Variants in CROT observed in about 807,000 individuals in gnomAD.
CROT encodes carnitine O-octanoyltransferase.
CROT carries 84 observed loss-of-function variants against 89.2 expected under a neutral mutation model. The observed-to-expected ratio is 0.94, with a 90% CI of 0.79 to 1.13. The LOEUF (loss-of-function observed/expected upper bound fraction) is 1.13, where lower values mean the gene tolerates loss of function less well. Ranked by LOEUF, CROT falls within the 50% of genes most tolerant of loss-of-function variation. The pLI is 0.00. For synonymous variants in CROT, 212 were observed against 239.5 expected (o/e 0.89, Z 1.06); for missense variants, 711 against 727.8 (o/e 0.98, Z 0.27).
chr7:87,388,819 T>C (rs1333340914), intron 13 of CROT, among the ~76,000 whole-genome samples: 1 of 152,080 alleles, frequency 6.6e-6, no homozygotes, highest in East Asian at 1.9e-4. Context: ...CAAATGAAAC[T>C]ATCATCAGAG....
At position 87,391,140 on chromosome 7, in the gene CROT, C is replaced by T. The variant is rs113619900; in HGVS notation, c.1302-449C>T. Among the ~76,000 whole-genome samples the T allele has an allele frequency of 5.9e-5, 9 of 152,316 alleles. 1 individual carries two copies. The highest frequency in any genetic ancestry group is 1.9e-4 in the African/African-American group (8 of 41,568). The stretch of plus-strand genomic sequence containing the variant: ...TTTTCTGCCGCTAGGGCCTCTCCAT[C>T]GGGCAGCCCTCAGCATGGCAGCTGG... On this transcript the variant is annotated intron_variant, in intron 13 of 17. Coordinates refer to ENST00000331536, the MANE Select transcript of CROT (RefSeq NM_021151.4).
rs80036189 is a variant in CROT, at chr7:87,388,218, C to T, written c.1302-3371C>T. Among the ~76,000 whole-genome samples the T allele has an allele frequency of 9.9e-5, 15 of 151,960 alleles. No homozygotes were observed. The East Asian group carries it at 2.3e-3, about 24-fold the overall frequency. On this transcript the variant is annotated intron_variant, in intron 13 of 17. Coordinates refer to ENST00000331536, the MANE Select transcript of CROT (RefSeq NM_021151.4). ...AGTTGCCCCAAGTAATTTATAGATTCGATGCTATCTCCATCAAGCTACTAC... is the reference window on the plus strand; with the variant it reads ...AGTTGCCCCAAGTAATTTATAGATTTGATGCTATCTCCATCAAGCTACTAC...
intron 13 of CROT, 148 bp downstream of exon 13, chr7:87,382,691 A>G (rs537263903): frequency 1.4e-6 from 1 of 737,262 alleles, no homozygotes; most frequent in South Asian, 2.2e-5. Flanking sequence ...TCAATAGAGT[A>G]TTAGATTTCT....
rs1474144886 is a variant in CROT at position 87,391,474 on chromosome 7, T to A, written c.1302-115T>A. 3 of 942,572 alleles carry A rather than the reference T, an allele frequency of 3.2e-6. No homozygotes were observed. In the African/African-American group the frequency reaches 5.2e-5, roughly 16 times the overall value. 58.4% of individuals were successfully genotyped at this position (942,572 alleles called of 1,614,324 possible). The stretch of plus-strand genomic sequence containing the variant: ...TTTTTTGTTGAAAGTCTCCAACCTA[T>A]CTGTGTTAAAGGGCTTAGTCTCTGA... On this transcript the variant is annotated intron_variant, in intron 13 of 17. Transcript: ENST00000331536.
chr7:87,369,320 C>T (rs1303469478), intron 6 of CROT, 56 bp from the exon 7 acceptor site: 1 of 1,213,880 alleles, frequency 8.2e-7, no homozygotes, highest in African/African-American at 1.5e-5. Flanking sequence ...ATATATGCAT[C>T]TTTACTCCTG....
At chr7:87,350,409 C>T (rs1243098151) in intron 3 of CROT, among the ~76,000 whole-genome samples, 2 of 152,034 alleles carry the variant, frequency 1.3e-5, no homozygotes, top group African/African-American at 4.8e-5. Context: ...AAAGCCGCAC[C>T]AGTATGTTTT....
chr7:87,383,319 A>T (rs949788835), intron 13 of CROT, among the ~76,000 whole-genome samples: 17 of 151,916 alleles, frequency 1.1e-4, no homozygotes, highest in African/African-American at 4.1e-4. Context: ...CTTCCACGAG[A>T]TCAATTTTTT....
At chr7:87,355,645 C>T (rs914110279) in intron 3 of CROT, among the ~76,000 whole-genome samples, 8 of 152,144 alleles carry the variant, frequency 5.3e-5, no homozygotes, top group South Asian at 2.1e-4. Flanking sequence ...AAGCACAGGG[C>T]GACATGTGTC....
chr7:87,396,819 CTG>C (rs1240101953), intron 17 of CROT, among the ~76,000 whole-genome samples: 1 of 151,964 alleles, frequency 6.6e-6, no homozygotes, highest in African/African-American at 2.4e-5. Context: ...TATATTTACA[CTG>C]TAAATATTTG....
intron 12 of CROT, 35 bp from the exon 13 acceptor site, chr7:87,382,378 A>C: frequency 6.2e-7 from 1 of 1,600,666 alleles, no homozygotes; most frequent in Middle Eastern, 1.7e-4. Flanking sequence ...TCCTTAGGTG[A>C]TTTTTCACCG....
chr7:87,359,124 A>G, intron 3 of CROT, 82 bp from the exon 4 acceptor site: 4 of 937,890 alleles, frequency 4.3e-6, no homozygotes, highest in Non-Finnish European at 6.8e-6. Flanking sequence ...TCTGAGTCTT[A>G]AGATTTGCAT....
chr7:87,375,598 ACT>A (rs777097001), intron 7 of CROT, 32 bp from the exon 8 acceptor site: 5 of 1,504,644 alleles, frequency 3.3e-6, no homozygotes, highest in South Asian at 2.3e-5. Context: ...TTCTGCCTGT[ACT>A]CTTTTTTAAT....
At chr7:87,373,044 A>G (rs1219137054) in intron 7 of CROT, among the ~76,000 whole-genome samples, 1 of 152,108 alleles carries the variant, frequency 6.6e-6, no homozygotes, top group East Asian at 1.9e-4. Flanking sequence ...ACTATTGAGA[A>G]ACTACCAGAG....
intron 17 of CROT, among the ~76,000 whole-genome samples, chr7:87,397,384 C>CA (rs1478938199): frequency 6.6e-6 from 1 of 151,570 alleles, no homozygotes; most frequent in Non-Finnish European, 1.5e-5. Context: ...ATTTGACAGG[C>CA]AAAAAATAAC....
chr7:87,371,388 C>T (rs1448226552), intron 7 of CROT, among the ~76,000 whole-genome samples: 14 of 152,290 alleles, frequency 9.2e-5, no homozygotes, highest in Middle Eastern at 3.4e-3. Context: ...TAAACTATTA[C>T]ATAGAATTCC....
chr7:87,350,761 G>A (rs551443419), intron 3 of CROT, among the ~76,000 whole-genome samples: 28 of 152,128 alleles, frequency 1.8e-4, no homozygotes, highest in Non-Finnish European at 2.9e-4. Context: ...TGATTGCATT[G>A]TTGGGTGGCA....
intron 3 of CROT, among the ~76,000 whole-genome samples, chr7:87,350,271 T>C (rs1028006367): frequency 1.3e-5 from 2 of 152,130 alleles, no homozygotes; most frequent in African/African-American, 4.8e-5. Flanking sequence ...TTCAGTTTTG[T>C]TCAAGACACA....
At chr7:87,369,944 T>G (rs930138405) in intron 7 of CROT, among the ~76,000 whole-genome samples, 1 of 145,736 alleles carries the variant, frequency 6.9e-6, no homozygotes, top group African/African-American at 2.7e-5. Flanking sequence ...TAATGATAAC[T>G]CCCGTGTACC....
chr7:87,371,783 G>A (rs1365408127), intron 7 of CROT, among the ~76,000 whole-genome samples: 1 of 152,064 alleles, frequency 6.6e-6, no homozygotes, highest in Non-Finnish European at 1.5e-5. Context: ...TTAAGGCCAA[G>A]AGTTGAAGAC....
Sources: gnomAD v4.1 joint callset for allele counts (sites outside exome capture counted in the v4.1 genomes callset) on GRCh38, gnomAD v4.1.1 for gene constraint, MANE v1.5 for transcripts, NCBI Gene and HGNC (gene_info 2026-07-23, HGNC 2026-07-21) for gene names.